Variants in DNAH5 observed in about 807,000 individuals in gnomAD.
DNAH5 encodes dynein axonemal heavy chain 5.
A neutral mutation model predicts 518.2 loss-of-function variants in DNAH5; 372 were observed. That is an observed-to-expected ratio of 0.72 (90% CI 0.66 to 0.78). The LOEUF (loss-of-function observed/expected upper bound fraction) is 0.78. DNAH5 is among the 30% of genes least tolerant of loss of function. The probability of loss-of-function intolerance (pLI) is 0.00; values close to 1 mark genes in which losing one functional copy is unlikely to be tolerated. For missense variants in DNAH5, 5,523 were observed against 5,687.0 expected (o/e 0.97, Z 0.93); for synonymous variants, 2,039 against 2,025.9 (o/e 1.01, Z -0.17).
At chr5:13,997,888 G>A (rs183894715) in intron 1 of DNAH5, among the ~76,000 whole-genome samples, 1,849 of 149,134 alleles carry the variant, frequency 0.012, 44 homozygotes, top group African/African-American at 0.043. Flanking sequence ...CTGTCACCCA[G>A]GTTGGAGTGC....
intron 69 of DNAH5, 41 bp from the exon 70 acceptor site, chr5:13,727,697 A>G: frequency 6.2e-7 from 1 of 1,611,548 alleles, no homozygotes; most frequent in Non-Finnish European, 8.5e-7. Context: ...ATGCCACCCA[A>G]CAATCTTTCA....
At chr5:13,907,676 C>CA (rs35259980) in intron 12 of DNAH5, among the ~76,000 whole-genome samples, 1 of 151,986 alleles carries the variant, frequency 6.6e-6, no homozygotes. Context: ...ACCCTCCCCC[C>CA]AAAAAAATTG....
intron 35 of DNAH5, among the ~76,000 whole-genome samples, chr5:13,834,507 CTATT>C (rs935030911): frequency 1.3e-5 from 2 of 152,170 alleles, no homozygotes; most frequent in African/African-American, 2.4e-5. Flanking sequence ...TATTCAAGAA[CTATT>C]TATTTAGCAT....
chr5:13,865,006 C>CT (rs70964512), intron 27 of DNAH5, among the ~76,000 whole-genome samples: 2,644 of 124,876 alleles, frequency 0.021, 44 homozygotes, highest in East Asian at 0.042. Context: ...ACAAATAGCT[C>CT]TTTTTTTTTT....
chr5:13,712,306 T>TA (rs1743593379), intron 75 of DNAH5, among the ~76,000 whole-genome samples: 1 of 152,192 alleles, frequency 6.6e-6, no homozygotes, highest in South Asian at 2.1e-4. Context: ...TCTCACCTTA[T>TA]ACAAAAATCA....
At chr5:13,830,880 C>T (rs1763583863) in intron 35 of DNAH5, 105 bp from the exon 36 acceptor site, 3 of 1,072,308 alleles carry the variant, frequency 2.8e-6, no homozygotes, top group Non-Finnish European at 4.2e-6. Flanking sequence ...AACAAAAGGC[C>T]ATTGTCCCTA....
chr5:13,698,047 G>T (rs1741598331), intron 78 of DNAH5, among the ~76,000 whole-genome samples: 1 of 152,190 alleles, frequency 6.6e-6, no homozygotes, highest in Admixed American at 6.5e-5. Flanking sequence ...ATGCCAGTGA[G>T]ATAGTTATTG....
chr5:13,794,462 C>T (rs987840306), intron 47 of DNAH5, among the ~76,000 whole-genome samples: 2 of 152,160 alleles, frequency 1.3e-5, no homozygotes, highest in Non-Finnish European at 2.9e-5. Flanking sequence ...GTCTGCACTC[C>T]GAGCTGCACA....
chr5:13,960,671 C>T (rs914075783), intron 1 of DNAH5, among the ~76,000 whole-genome samples: 1 of 152,190 alleles, frequency 6.6e-6, no homozygotes, highest in Non-Finnish European at 1.5e-5. Flanking sequence ...TCTCTTCTTA[C>T]GTCAGCATAG....
At chr5:13,776,744 CAT>C in intron 54 of DNAH5, 38 bp from the exon 55 acceptor site, 2 of 1,608,520 alleles carry the variant, frequency 1.2e-6, no homozygotes, top group Non-Finnish European at 1.7e-6. Flanking sequence ...TCAGTACACA[CAT>C]AGGAAAATAG....
Position 13,752,265 on chromosome 5 carries a change from A to T in DNAH5, c.10897T>A (p.Phe3633Ile), listed in dbSNP as rs770455022. 2 of 1,614,080 alleles carry T rather than the reference A, an allele frequency of 1.2e-6. No homozygotes were observed. Among genetic ancestry groups the T allele is most frequent in the South Asian group, 2.2e-5 (2 of 91,084 alleles). The stretch of plus-strand genomic sequence containing the variant: ...AGGCTGTCTTCCAGGTGGTTTCTGA[A>T]GTACTTGTGATTTAAAGACGTGATC... ...LQITSLNHKY[F>I]RNHLEDSLSL... is the part of the protein sequence containing the mutation. The change falls in exon 64 of 79, where the codon TTC becomes ATC. Residue 3633 changes from phenylalanine to isoleucine, a missense_variant. By Grantham distance (21) the Phe-to-Ile change is conservative (BLOSUM62 0). Coordinates refer to ENST00000265104, the MANE Select transcript of DNAH5 (RefSeq NM_001369.3).
chr5:13,864,628 C>T lies in DNAH5; in HGVS notation c.4365G>A (p.Lys1455=), dbSNP rs2151908906. 6.2e-7 allele frequency: 1 copy of T among 1,614,128 alleles called. No homozygotes were observed. The change falls in exon 28 of 79, where the codon AAG becomes AAA. Residue 1455 remains lysine, a synonymous_variant. Coordinates refer to ENST00000265104, the MANE Select transcript of DNAH5 (RefSeq NM_001369.3). ...ELLEFQNRCR[K]LPRALKDWQA... Reference sequence around the variant, plus strand: ...GCCAGTCCTTCAAGGCCCGGGGAAGCTTTCGACATCTGTGAAGGGACACCA... The same window carrying T: ...GCCAGTCCTTCAAGGCCCGGGGAAGTTTTCGACATCTGTGAAGGGACACCA...
intron 77 of DNAH5, 46 bp downstream of exon 77, chr5:13,701,238 G>A (rs1209847526): frequency 4.3e-6 from 7 of 1,612,104 alleles, no homozygotes; most frequent in Non-Finnish European, 5.9e-6. Context: ...AAAATCCTGT[G>A]GAGGAAAATT....
chr5:13,915,077 C>G (rs1431776491), intron 9 of DNAH5, among the ~76,000 whole-genome samples: 3 of 151,946 alleles, frequency 2.0e-5, no homozygotes, highest in African/African-American at 7.2e-5. Flanking sequence ...AGGAGAAGGC[C>G]GCAGAGAGAA....
rs1427248631 is a variant in DNAH5 at position 13,931,256 on chromosome 5, G to C, written c.58-12C>G. 3 of 1,613,782 alleles carry C rather than the reference G, an allele frequency of 1.9e-6. No individual in the cohort carries two copies. The highest frequency in any genetic ancestry group is 2.7e-5 in the African/African-American group (2 of 74,914). Reference sequence around the variant, plus strand: ...CCCTTCAGTCTTTGCTAAAAGAAAAGAATAAAAATGTTACATGGAAACTGC... The same window carrying C: ...CCCTTCAGTCTTTGCTAAAAGAAAACAATAAAAATGTTACATGGAAACTGC... On this transcript the variant is annotated splice_polypyrimidine_tract_variant and intron_variant, in intron 1 of 78. Transcript: ENST00000265104.
In DNAH5 at chr5:13,999,607, C is replaced by T. The variant is rs74498969; in HGVS notation, c.12+12041G>A. Among the ~76,000 whole-genome samples the T allele has an allele frequency of 1.4e-3, 215 of 152,330 alleles. 6 individuals carry two copies. The East Asian group carries it at 0.032, about 22-fold the overall frequency. Reference sequence around the variant, plus strand: ...ATTCATCTGTTGATGGACATTTAGGCTGTTTCCACATCTCAGCTATTGTAA... The same window carrying T: ...ATTCATCTGTTGATGGACATTTAGGTTGTTTCCACATCTCAGCTATTGTAA... On this transcript the variant is annotated intron_variant, in intron 1 of 78. Transcript: ENST00000681290.
chr5:13,809,139 A>ACGGATACAGGT lies in DNAH5; in HGVS notation c.7646_7656dup (p.Ser2553ThrfsTer22). ...GAACCATACTCTGGGGTGGTATCAG[A>ACGGATACAGGT]CGGATACAGGTATTCCTGGGTACGC... On this transcript the variant is annotated frameshift_variant, in exon 46 of 79. Coordinates refer to ENST00000265104, the MANE Select transcript of DNAH5 (RefSeq NM_001369.3). LOFTEE classifies it high-confidence loss of function. 1 of 1,614,170 alleles carries ACGGATACAGGT rather than the reference A, an allele frequency of 6.2e-7. No individual in the cohort carries two copies. The highest frequency in any genetic ancestry group is 1.1e-5 in the South Asian group (1 of 91,076).
At chr5:13,838,124 A>G (rs10513158) in intron 35 of DNAH5, among the ~76,000 whole-genome samples, 3,248 of 152,342 alleles carry the variant, frequency 0.021, 66 homozygotes, top group Non-Finnish European at 0.03. Context: ...CCATTTGACA[A>G]TAATGAGCAT....
chr5:13,840,785 G>T, intron 34 of DNAH5, 121 bp downstream of exon 34: 1 of 788,638 alleles, frequency 1.3e-6, no homozygotes, highest in African/African-American at 1.7e-5. Flanking sequence ...TTACAAACAT[G>T]ATTCTTTGCC....
Sources: allele counts gnomAD v4.1 joint callset (sites outside exome capture counted in the v4.1 genomes callset), GRCh38; gene constraint gnomAD v4.1.1; transcripts MANE v1.5; gene names NCBI Gene and HGNC (gene_info 2026-07-23, HGNC 2026-07-21).